TMOD2: variants seen among roughly 807,000 people sequenced by gnomAD.
The protein encoded by TMOD2 is tropomodulin 2.
In TMOD2, 22 loss-of-function variants were observed where a neutral mutation model predicts 39.9. The ratio of observed to expected loss-of-function variants is 0.55; its 90% CI spans 0.39 to 0.79. TMOD2 has a LOEUF of 0.79. Among genes scored for constraint, TMOD2 ranks in the 30% least tolerant of loss-of-function variants. The probability of loss-of-function intolerance (pLI) is 0.00; values close to 1 mark genes in which losing one functional copy is unlikely to be tolerated. For synonymous variants in TMOD2, 123 were observed against 146.1 expected (o/e 0.84, Z 1.14); for missense variants, 386 against 413.3 (o/e 0.93, Z 0.57).
At chr15:51,795,569 G>GCTTTCTTT (rs1491429760) in intron 7 of TMOD2, among the ~76,000 whole-genome samples, 25 of 42,408 alleles carry the variant, frequency 5.9e-4, no homozygotes, top group Non-Finnish European at 1.0e-3. Flanking sequence ...TCTTCTGCTT[G>GCTTTCTTT]CTTGCTTGCT....
At chr15:51,787,272 CG>C (rs555511548) in intron 7 of TMOD2, among the ~76,000 whole-genome samples, 3 of 152,158 alleles carry the variant, frequency 2.0e-5, no homozygotes, top group Non-Finnish European at 4.4e-5. Context: ...TAGAGCTTGG[CG>C]GGGGGAGGGG....
intron 7 of TMOD2, among the ~76,000 whole-genome samples, chr15:51,790,862 A>C (rs1017500077): frequency 6.6e-6 from 1 of 152,148 alleles, no homozygotes; most frequent in Non-Finnish European, 1.5e-5. Context: ...TCTCAACATA[A>C]TAAGAGCTGT....
At chr15:51,777,543 A>G (rs1013429372) in intron 5 of TMOD2, among the ~76,000 whole-genome samples, 3 of 152,274 alleles carry the variant, frequency 2.0e-5, no homozygotes, top group East Asian at 1.9e-4. Context: ...CCACACCACT[A>G]TCTTCTATGT....
At chr15:51,773,646 T>C in intron 3 of TMOD2, 66 bp from the exon 4 acceptor site, 1 of 1,493,352 alleles carries the variant, frequency 6.7e-7, no homozygotes, top group South Asian at 1.3e-5. Context: ...CATTCTCTGC[T>C]CAGTCTACTT....
Position 51,806,819 on chromosome 15 carries a change from C to T in TMOD2, c.1021+298C>T, listed in dbSNP as rs1328915470. On this transcript the variant is annotated intron_variant, in intron 9 of 9. Coordinates refer to ENST00000249700, the MANE Select transcript of TMOD2 (RefSeq NM_014548.4). Reference sequence around the variant, plus strand: ...TCTTTTACTTACATGTAATCTCCTTCTGTTTTTATCTGCACCAGAAAATGG... The same window carrying T: ...TCTTTTACTTACATGTAATCTCCTTTTGTTTTTATCTGCACCAGAAAATGG... 1.3e-5 allele frequency among the ~76,000 whole-genome samples: 2 copies of T among 152,176 alleles called. 1 individual carries two copies. The highest frequency in any genetic ancestry group is 4.1e-4 in the South Asian group (2 of 4,834).
chr15:51,780,106 A>C (rs1352261580), intron 5 of TMOD2, among the ~76,000 whole-genome samples: 1 of 152,240 alleles, frequency 6.6e-6, no homozygotes, highest in African/African-American at 2.4e-5. Flanking sequence ...GTAATATTTC[A>C]GGGAACAGGG....
Position 51,806,457 on chromosome 15 carries a change from C to T in TMOD2, c.957C>T (p.Tyr319=), listed in dbSNP as rs1417838025. 7 of 1,614,098 alleles carry T rather than the reference C, an allele frequency of 4.3e-6. No individual in the cohort carries two copies. Among genetic ancestry groups the T allele is most frequent in the Non-Finnish European group, 5.9e-6 (7 of 1,180,036 alleles). The change falls in exon 9 of 10, where the codon TAC becomes TAT. Residue 319 remains tyrosine (Y), a synonymous_variant. Transcript: ENST00000249700. ...EENSRILKFG[Y]QFTKQGPRTR... The stretch of plus-strand genomic sequence containing the variant: ...ATTCAAGGATCCTCAAGTTTGGATA[C>T]CAGTTTACCAAGCAAGGGCCACGAA...
At chr15:51,807,320 G>A (rs1258315016) in intron 9 of TMOD2, among the ~76,000 whole-genome samples, 1 of 152,216 alleles carries the variant, frequency 6.6e-6, no homozygotes, top group Non-Finnish European at 1.5e-5. Context: ...GGAGGACTCA[G>A]ATAGTGGGCA....
intron 4 of TMOD2, among the ~76,000 whole-genome samples, chr15:51,774,667 A>C (rs960362094): frequency 6.6e-6 from 1 of 152,158 alleles, no homozygotes; most frequent in Non-Finnish European, 1.5e-5. Flanking sequence ...TTGTGAACTT[A>C]ATATTGACCA....
intron 8 of TMOD2, among the ~76,000 whole-genome samples, chr15:51,800,814 T>C (rs2056082029): frequency 6.6e-6 from 1 of 152,148 alleles, no homozygotes; most frequent in African/African-American, 2.4e-5. Flanking sequence ...CAAGTGATCC[T>C]CCCACTTCAG....
chr15:51,786,855 T>C (rs974553416), intron 7 of TMOD2, among the ~76,000 whole-genome samples: 8 of 152,060 alleles, frequency 5.3e-5, no homozygotes, highest in African/African-American at 1.9e-4. Flanking sequence ...ACGTGAGAGG[T>C]CACTTCCAAG....
chr15:51,807,336 G>A lies in TMOD2; in HGVS notation c.1021+815G>A, dbSNP rs565447783. 2.7e-3 allele frequency among the ~76,000 whole-genome samples: 405 copies of A among 152,318 alleles called. 3 individuals carry two copies. Among genetic ancestry groups the A allele is most frequent in the Non-Finnish European group, 4.7e-3 (318 of 68,036 alleles). ...GAGGACTCAGATAGTGGGCAAGATAGAAGCTAAAGGTTAGAACGGGAAGGG... is the reference window on the plus strand; with the variant it reads ...GAGGACTCAGATAGTGGGCAAGATAAAAGCTAAAGGTTAGAACGGGAAGGG... On this transcript the variant is annotated intron_variant, in intron 9 of 9. Transcript: ENST00000249700.
intron 9 of TMOD2, among the ~76,000 whole-genome samples, 183 bp downstream of exon 9, chr15:51,806,704 T>A (rs17526463): frequency 0.39 from 59,097 of 152,068 alleles, 11,619 homozygotes; most frequent in Admixed American, 0.44. Flanking sequence ...CAGTGTTAAG[T>A]TTCATCATAG....
intron 1 of TMOD2, among the ~76,000 whole-genome samples, chr15:51,751,981 G>A (rs2055707562): frequency 6.6e-6 from 1 of 151,650 alleles, no homozygotes. Context: ...CGGTGCCGCA[G>A]CCTCTGCAGC....
intron 7 of TMOD2, among the ~76,000 whole-genome samples, chr15:51,789,538 C>T (rs187088113): frequency 9.2e-5 from 14 of 152,280 alleles, no homozygotes; most frequent in Middle Eastern, 3.4e-3. Context: ...ACTCTCCACC[C>T]GAAATCAACA....
At chr15:51,767,007 C>T (rs1177884576) in intron 2 of TMOD2, 3 of 150,764 alleles carry the variant, frequency 2.0e-5, no homozygotes, top group African/African-American at 7.4e-5. Flanking sequence ...GTATTTAAAC[C>T]AGGTTTTTAG....
rs527511086 is a variant in TMOD2 at position 51,775,342 on chromosome 15, A to G, written c.406+1508A>G. Among the ~76,000 whole-genome samples the G allele has an allele frequency of 1.1e-4, 16 of 152,266 alleles. No homozygotes were observed. In the East Asian group the frequency reaches 2.9e-3, roughly 28 times the overall value. On this transcript the variant is annotated intron_variant, in intron 4 of 9. Transcript: ENST00000249700. ...TGATCTTATCAGTATATATAGAAGC[A>G]GTCAGATTGGAGCAAAGTGGTGGGA...
intron 7 of TMOD2, among the ~76,000 whole-genome samples, chr15:51,785,164 G>A (rs1294592008): frequency 1.3e-5 from 2 of 152,118 alleles, no homozygotes; most frequent in African/African-American, 4.8e-5. Flanking sequence ...TGTAATCCCA[G>A]CACTTTGGGA....
intron 8 of TMOD2, among the ~76,000 whole-genome samples, chr15:51,805,699 C>A (rs529032720): frequency 6.6e-6 from 1 of 152,192 alleles, no homozygotes; most frequent in South Asian, 2.1e-4. Flanking sequence ...CCCCATTTAC[C>A]CTGATGTGAT....
Sources: allele counts gnomAD v4.1 joint callset (sites outside exome capture counted in the v4.1 genomes callset), GRCh38; gene constraint gnomAD v4.1.1; transcripts MANE v1.5; gene names NCBI Gene and HGNC (gene_info 2026-07-23, HGNC 2026-07-21).